Variants in SGPP2 observed in about 807,000 individuals in gnomAD.
SGPP2 encodes the protein sphingosine-1-phosphate phosphatase 2.
Under a neutral mutation model 33.9 loss-of-function variants are expected in SGPP2, and 30 were observed. The ratio of observed to expected loss-of-function variants is 0.89; its 90% CI spans 0.66 to 1.20. The LOEUF (loss-of-function observed/expected upper bound fraction) is 1.20. Ranked by LOEUF, SGPP2 falls within the 50% of genes most tolerant of loss-of-function variation. The probability of loss-of-function intolerance (pLI) is 0.00; values close to 1 mark genes in which losing one functional copy is unlikely to be tolerated. For missense variants in SGPP2, 458 were observed against 532.1 expected (o/e 0.86, Z 1.37); for synonymous variants, 233 against 225.0 (o/e 1.04, Z -0.32).
intron 2 of SGPP2, among the ~76,000 whole-genome samples, chr2:222,478,280 TG>T (rs1697979939): frequency 6.6e-6 from 1 of 151,560 alleles, no homozygotes; most frequent in Non-Finnish European, 1.5e-5. Flanking sequence ...TGTGTGTGTG[TG>T]TGTGTGTGTG....
chr2:222,529,577 C>T (rs921776258), intron 4 of SGPP2, among the ~76,000 whole-genome samples: 9 of 152,038 alleles, frequency 5.9e-5, no homozygotes, highest in Admixed American at 2.0e-4. Context: ...TGAAGTGATC[C>T]GTCCACCTTG....
intron 1 of SGPP2, among the ~76,000 whole-genome samples, chr2:222,453,837 G>T (rs1697530128): frequency 6.6e-6 from 1 of 152,144 alleles, no homozygotes; most frequent in Non-Finnish European, 1.5e-5. Flanking sequence ...ACAGGGGTCA[G>T]CACCCCTAAC....
chr2:222,431,065 A>G (rs1444804607), intron 1 of SGPP2, among the ~76,000 whole-genome samples: 2 of 152,206 alleles, frequency 1.3e-5, no homozygotes, highest in African/African-American at 4.8e-5. Context: ...ATTGTAACAA[A>G]TGTATCATAC....
chr2:222,468,693 G>T (rs529715922), intron 1 of SGPP2, among the ~76,000 whole-genome samples: 1 of 152,290 alleles, frequency 6.6e-6, no homozygotes, highest in South Asian at 2.1e-4. Context: ...AAAGCAAAGC[G>T]CTGTTCAGGT....
intron 2 of SGPP2, among the ~76,000 whole-genome samples, chr2:222,487,475 G>C (rs1347016692): frequency 6.6e-6 from 1 of 152,184 alleles, no homozygotes; most frequent in Non-Finnish European, 1.5e-5. Context: ...CATTTGGAAA[G>C]TTTTATGATG....
chr2:222,508,264 A>G (rs938200884), intron 2 of SGPP2, among the ~76,000 whole-genome samples: 1 of 152,236 alleles, frequency 6.6e-6, no homozygotes, highest in Non-Finnish European at 1.5e-5. Context: ...CTCATGTATT[A>G]TACATATGCC....
At chr2:222,459,275 T>C (rs1455001175) in intron 1 of SGPP2, among the ~76,000 whole-genome samples, 1 of 151,240 alleles carries the variant, frequency 6.6e-6, no homozygotes, top group Non-Finnish European at 1.5e-5. Context: ...ACCTCCCAAG[T>C]AGCTAAGACT....
rs759062111 is a variant in SGPP2, at chr2:222,474,599, A to G, written c.251A>G (p.Tyr84Cys). 8.7e-6 allele frequency: 14 copies of G among 1,614,012 alleles called. No homozygotes were observed. The highest frequency in any genetic ancestry group is 1.1e-5 in the Non-Finnish European group (13 of 1,179,980). The change falls in exon 2 of 5, where the codon TAT (tyrosine) becomes TGT (cysteine). Residue 84 changes from tyrosine (Y) to cysteine (C), a missense_variant. Physicochemically the swap from Tyr to Cys is radical, Grantham distance 194. Transcript: ENST00000321276. ...AYVQKYVVKN[Y>C]FYYYLFQFSA... ...GTACAGAAGTACGTCGTGAAGAATT[A>G]TTTCTACTATTACCTATTCCAATTT...
At chr2:222,553,720 C>A (rs1689337828) in intron 4 of SGPP2, among the ~76,000 whole-genome samples, 1 of 152,200 alleles carries the variant, frequency 6.6e-6, no homozygotes, top group Non-Finnish European at 1.5e-5. Flanking sequence ...CTCAAAGCAG[C>A]ATTCTTTAGC....
At chr2:222,524,704 G>A (rs558015029) in intron 3 of SGPP2, among the ~76,000 whole-genome samples, 5 of 152,262 alleles carry the variant, frequency 3.3e-5, no homozygotes, top group East Asian at 3.9e-4. Context: ...TACGTCTCAC[G>A]TGCATGCTTA....
At chr2:222,521,663 C>T (rs1388427685) in intron 2 of SGPP2, 104 bp from the exon 3 acceptor site, 3 of 1,209,270 alleles carry the variant, frequency 2.5e-6, no homozygotes, top group African/African-American at 3.2e-5. Context: ...GAGAAAGGAG[C>T]CTTCAATCAA....
chr2:222,489,808 A>C (rs1331814174), intron 2 of SGPP2, among the ~76,000 whole-genome samples: 4 of 152,138 alleles, frequency 2.6e-5, no homozygotes, highest in African/African-American at 7.2e-5. Context: ...TCTACTAAAA[A>C]TACAAAATTA....
At chr2:222,505,299 A>G (rs113468850) in intron 2 of SGPP2, among the ~76,000 whole-genome samples, 356 of 152,340 alleles carry the variant, frequency 2.3e-3, no homozygotes, top group African/African-American at 8.1e-3. Context: ...GCATAATTGT[A>G]AAAGAACAAC....
intron 2 of SGPP2, among the ~76,000 whole-genome samples, chr2:222,499,404 C>T (rs1254102453): frequency 6.6e-6 from 1 of 152,228 alleles, no homozygotes; most frequent in Non-Finnish European, 1.5e-5. Flanking sequence ...GGCCAGCCTG[C>T]TCCCCTGCTC....
chr2:222,539,184 A>G (rs1042391987), intron 4 of SGPP2, among the ~76,000 whole-genome samples: 9 of 152,214 alleles, frequency 5.9e-5, no homozygotes, highest in African/African-American at 2.2e-4. Context: ...GGATTGGGTA[A>G]ATACTTCCAT....
intron 1 of SGPP2, among the ~76,000 whole-genome samples, chr2:222,467,325 T>C (rs1697761651): frequency 6.6e-6 from 1 of 152,194 alleles, no homozygotes; most frequent in Non-Finnish European, 1.5e-5. Flanking sequence ...ACCATCATCA[T>C]CGTCATCAAC....
chr2:222,537,170 T>C (rs1230889286), intron 4 of SGPP2, among the ~76,000 whole-genome samples: 1 of 152,092 alleles, frequency 6.6e-6, no homozygotes, highest in Non-Finnish European at 1.5e-5. Context: ...TTTGGAAAAA[T>C]TAGGAAATAT....
chr2:222,488,875 G>T (rs953172430), intron 2 of SGPP2, among the ~76,000 whole-genome samples: 6 of 152,024 alleles, frequency 3.9e-5, no homozygotes, highest in Non-Finnish European at 5.9e-5. Context: ...ATTTCTTCTC[G>T]CATTCACAGG....
chr2:222,530,454 G>A (rs780766083), intron 4 of SGPP2, among the ~76,000 whole-genome samples: 3 of 152,198 alleles, frequency 2.0e-5, no homozygotes, highest in Non-Finnish European at 4.4e-5. Context: ...ACTAGCTATA[G>A]CTTCTCTATC....
Sources: allele counts gnomAD v4.1 joint callset (sites outside exome capture counted in the v4.1 genomes callset), GRCh38; gene constraint gnomAD v4.1.1; transcripts MANE v1.5; gene names NCBI Gene and HGNC (gene_info 2026-07-23, HGNC 2026-07-21).